The following TIFAB variants were observed in gnomAD, a reference collection of about 807,000 sequenced individuals.
TIFAB encodes TRAF-interacting protein with FHA domain-containing protein B.
For missense variants in TIFAB, 222 were observed against 203.6 expected, an observed-to-expected ratio of 1.09 and a Z score of -0.55; for synonymous variants, 116 against 95.2, an observed-to-expected ratio of 1.22 and a Z score of -1.27.
At position 135,449,388 on chromosome 5, in the gene TIFAB, T is replaced by C; in HGVS notation, c.*66A>G. ...TGTATTTCTGTTCCTCCTCCAGGTC[T>C]TGGCTGGAGAGGGCTGTCCCAAGTC... On this transcript the variant is annotated 3_prime_UTR_variant, in exon 2 of 2. Transcript: ENST00000537858. 6.3e-7 allele frequency: 1 copy of C among 1,580,088 alleles called. No individual in the cohort carries two copies. Among genetic ancestry groups the C allele is most frequent in the Non-Finnish European group, 8.6e-7 (1 of 1,164,318 alleles).
chr5:135,449,373 T>G lies in TIFAB; in HGVS notation c.*81A>C. ...GGTTCCCTCTGGAGCTGTATTTCTG[T>G]TCCTCCTCCAGGTCTTGGCTGGAGA... is the stretch of plus-strand genomic sequence containing the variant. On this transcript the variant is annotated 3_prime_UTR_variant, in exon 2 of 2. Transcript: ENST00000537858. The G allele has an allele frequency of 6.4e-7, 1 of 1,557,100 alleles. No individual in the cohort carries two copies. Among genetic ancestry groups the G allele is most frequent in the Non-Finnish European group, 8.7e-7 (1 of 1,153,718 alleles).
Position 135,446,638 on chromosome 5 carries a change from T to A in TIFAB, c.*2816A>T. 6.2e-7 allele frequency: 1 copy of A among 1,613,982 alleles called. No homozygotes were observed. The highest frequency in any genetic ancestry group is 8.5e-7 in the Non-Finnish European group (1 of 1,179,886). ...GGCAGAGCTTAACTGCCTTAAAAAC[T>A]TGGTACAGGGCAAGGTGTGAGTTTC... is the stretch of plus-strand genomic sequence containing the variant. On this transcript the variant is annotated 3_prime_UTR_variant, in exon 2 of 2. Transcript: ENST00000537858.
At chr5:135,452,089 C>T (rs1769370425) in intron 1 of TIFAB, 120 bp downstream of exon 1, 1 of 152,246 alleles carries the variant, frequency 6.6e-6, no homozygotes, top group South Asian at 2.1e-4. Context: ...ACAAATCCAG[C>T]CTTTGGGACG....
In TIFAB at chr5:135,449,835, A is replaced by G. The variant is rs765885377; in HGVS notation, c.105T>C (p.Pro35=). 1 of 1,605,680 alleles carries G rather than the reference A, an allele frequency of 6.2e-7. No individual in the cohort carries two copies. The highest frequency in any genetic ancestry group is 1.1e-5 in the South Asian group (1 of 90,144). Residue 35 remains proline, a synonymous_variant, in exon 2 of 2, where the codon CCT becomes CCC. Coordinates refer to ENST00000537858, the MANE Select transcript of TIFAB (RefSeq NM_001099221.2). ...CGTCCTGCCCCCGTCCGAGAAGCAG[A>G]GGGCTGGTATCATGCTGCAGCCGTG... ...VPPRLQHDTS[P]LLLGRGQDAH...
In TIFAB at chr5:135,447,304, C is replaced by T. The variant is rs1329278961; in HGVS notation, c.*2150G>A. The T allele has an allele frequency of 9.0e-6, 6 of 664,296 alleles. No individual in the cohort carries two copies. Among genetic ancestry groups the T allele is most frequent in the Middle Eastern group, 4.2e-4 (1 of 2,374 alleles). 41.2% of individuals were successfully genotyped at this position (664,296 alleles called of 1,614,324 possible). A position where few individuals can be genotyped will look rare whatever the true frequency, so the allele number is the denominator to read the frequency against. ...ACCAGGTCCGTGGCTACAACTAAATCCCTAGTTGGGGAATCACAGAGCACA... is the reference window on the plus strand; with the variant it reads ...ACCAGGTCCGTGGCTACAACTAAATTCCTAGTTGGGGAATCACAGAGCACA... On this transcript the variant is annotated 3_prime_UTR_variant, in exon 2 of 2. Transcript: ENST00000537858.
In TIFAB at chr5:135,447,461, T is replaced by C. The variant is rs1261792646; in HGVS notation, c.*1993A>G. 3.4e-6 allele frequency: 1 copy of C among 291,384 alleles called. No homozygotes were observed. Among genetic ancestry groups the C allele is most frequent in the East Asian group, 9.4e-5 (1 of 10,586 alleles). The allele number at this position is 291,384 out of a possible 1,614,324, so 18.0% of individuals were successfully genotyped here. A position where few individuals can be genotyped will look rare whatever the true frequency, so the allele number is the denominator to read the frequency against. ...TTATTAAGTGTGTGCTGGGCACTGATTGAATGCTTTACAGGTGTCACCTTC... is the reference window on the plus strand; with the variant it reads ...TTATTAAGTGTGTGCTGGGCACTGACTGAATGCTTTACAGGTGTCACCTTC... On this transcript the variant is annotated 3_prime_UTR_variant, in exon 2 of 2. Coordinates refer to ENST00000537858, the MANE Select transcript of TIFAB (RefSeq NM_001099221.2).
Position 135,446,771 on chromosome 5 carries a change from A to T in TIFAB, c.*2683T>A, listed in dbSNP as rs754468461. 7 of 1,613,962 alleles carry T rather than the reference A, an allele frequency of 4.3e-6. No individual in the cohort carries two copies. The highest frequency in any genetic ancestry group is 1.7e-6 in the Non-Finnish European group (2 of 1,179,850). On this transcript the variant is annotated 3_prime_UTR_variant, in exon 2 of 2. Transcript: ENST00000537858. ...GCCTGTCTTCCTTCTGCTGCTATGC[A>T]GTTCATCCTGGGTCCCTGAGGGCCT...
rs772437306 is a variant in TIFAB at position 135,449,737 on chromosome 5, C to G, written c.203G>C (p.Ser68Thr). 34 of 1,613,930 alleles carry G rather than the reference C, an allele frequency of 2.1e-5. No homozygotes were observed. Reference sequence around the variant, plus strand: ...CTTGAGGCAGAAGGCCAGCAGGGCACTGCCTTTCTCCAGGTAGGGCTCCAG... The same window carrying G: ...CTTGAGGCAGAAGGCCAGCAGGGCAGTGCCTTTCTCCAGGTAGGGCTCCAG... ...LSLEPYLEKGSALLAFCLKAL... is the reference protein window; with the variant it reads ...LSLEPYLEKGTALLAFCLKAL... The change falls in exon 2 of 2, where the codon AGT (serine) becomes ACT (threonine). Residue 68 changes from serine (S) to threonine (T), a missense_variant. Coordinates refer to ENST00000537858, the MANE Select transcript of TIFAB (RefSeq NM_001099221.2).
chr5:135,446,278 C>T lies in TIFAB; in HGVS notation c.*3176G>A. 1.4e-6 allele frequency: 2 copies of T among 1,455,928 alleles called. No homozygotes were observed. Among genetic ancestry groups the T allele is most frequent in the Non-Finnish European group, 1.9e-6 (2 of 1,080,938 alleles). 90.2% of individuals were successfully genotyped at this position (1,455,928 alleles called of 1,614,324 possible). The stretch of plus-strand genomic sequence containing the variant: ...ATTCTAACCCAGGCAGCAGTCTGAC[C>T]AGAGGGCCCTAGCTGGGAGCAGCGT... On this transcript the variant is annotated 3_prime_UTR_variant, in exon 2 of 2. Coordinates refer to ENST00000537858, the MANE Select transcript of TIFAB (RefSeq NM_001099221.2).
At chr5:135,451,093 C>G (rs1278477957) in intron 1 of TIFAB, among the ~76,000 whole-genome samples, 1 of 152,124 alleles carries the variant, frequency 6.6e-6, no homozygotes, top group African/African-American at 2.4e-5. Flanking sequence ...GTGGTTCTTG[C>G]TGCCCCATGT....
In TIFAB at chr5:135,448,237, C is replaced by A. The variant is rs1039225157; in HGVS notation, c.*1217G>T. Reference sequence around the variant, plus strand: ...AACAGAAATTGTTGACAGCTACAGACCCAGAGATTCGAGTCAGCCAGGGGA... The same window carrying A: ...AACAGAAATTGTTGACAGCTACAGAACCAGAGATTCGAGTCAGCCAGGGGA... On this transcript the variant is annotated 3_prime_UTR_variant, in exon 2 of 2. Transcript: ENST00000537858. 1 of 152,176 alleles carries A rather than the reference C, an allele frequency of 6.6e-6. No individual in the cohort carries two copies. Among genetic ancestry groups the A allele is most frequent in the Non-Finnish European group, 1.5e-5 (1 of 68,042 alleles). The allele number at this position is 152,176 out of a possible 1,614,324, so 9.4% of individuals were successfully genotyped here.
chr5:135,451,161 C>T (rs1157688486), intron 1 of TIFAB, among the ~76,000 whole-genome samples: 4 of 152,184 alleles, frequency 2.6e-5, no homozygotes, highest in East Asian at 1.9e-4. Flanking sequence ...GCACATTTGC[C>T]GAGTGGCTAA....
At position 135,445,504 on chromosome 5, in the gene TIFAB, AG is replaced by A; in HGVS notation, c.*3949del. The stretch of plus-strand genomic sequence containing the variant: ...CCTCGCACTGCCCATGCCGGGCCTG[AG>A]GGGCCTGGCTCAGACTTTAGTATCC... On this transcript the variant is annotated 3_prime_UTR_variant, in exon 2 of 2. Transcript: ENST00000537858. 1 of 152,434 alleles carries A rather than the reference AG, an allele frequency of 6.6e-6. No homozygotes were observed. Among genetic ancestry groups the A allele is most frequent in the Non-Finnish European group, 1.5e-5 (1 of 68,202 alleles). The allele number at this position is 152,434 out of a possible 1,614,324, so 9.4% of individuals were successfully genotyped here. A position where few individuals can be genotyped will look rare whatever the true frequency, so the allele number is the denominator to read the frequency against.
rs1182700792 is a variant in TIFAB, at chr5:135,447,279, A to G, written c.*2175T>C. On this transcript the variant is annotated 3_prime_UTR_variant, in exon 2 of 2. Coordinates refer to ENST00000537858, the MANE Select transcript of TIFAB (RefSeq NM_001099221.2). ...GATTAAAATCCCCTCCCTGTTGCCT[A>G]CCAGGTCCGTGGCTACAACTAAATC... is the stretch of plus-strand genomic sequence containing the variant. 3.9e-6 allele frequency: 3 copies of G among 773,256 alleles called. No homozygotes were observed. In the Admixed American group the frequency reaches 8.3e-5, roughly 21 times the overall value. 47.9% of individuals were successfully genotyped at this position (773,256 alleles called of 1,614,324 possible). A position where few individuals can be genotyped will look rare whatever the true frequency, so the allele number is the denominator to read the frequency against.
Position 135,446,652 on chromosome 5 carries a change from GGTGTGAGTTTCCCGGTGA to G in TIFAB, c.*2784_*2801del. ...GCCTTAAAAACTTGGTACAGGGCAAGGTGTGAGTTTCCCGGTGAGACTGTGTGAACTGTGAACGGGTAG... is the reference window on the plus strand; with the variant it reads ...GCCTTAAAAACTTGGTACAGGGCAAGGACTGTGTGAACTGTGAACGGGTAG... On this transcript the variant is annotated 3_prime_UTR_variant, in exon 2 of 2. Transcript: ENST00000537858. 6.2e-7 allele frequency: 1 copy of G among 1,614,054 alleles called. No individual in the cohort carries two copies. The highest frequency in any genetic ancestry group is 8.5e-7 in the Non-Finnish European group (1 of 1,179,902).
Position 135,449,385 on chromosome 5 carries a change from G to A in TIFAB, c.*69C>T. ...AGCTGTATTTCTGTTCCTCCTCCAG[G>A]TCTTGGCTGGAGAGGGCTGTCCCAA... On this transcript the variant is annotated 3_prime_UTR_variant, in exon 2 of 2. Transcript: ENST00000537858. 4 of 1,576,612 alleles carry A rather than the reference G, an allele frequency of 2.5e-6. No individual in the cohort carries two copies. The highest frequency in any genetic ancestry group is 2.3e-5 in the South Asian group (2 of 85,136).
In TIFAB at chr5:135,449,287, T is replaced by C; in HGVS notation, c.*167A>G. 1 of 1,009,454 alleles carries C rather than the reference T, an allele frequency of 9.9e-7. No homozygotes were observed. The highest frequency in any genetic ancestry group is 1.6e-5 in the African/African-American group (1 of 61,798). The allele number at this position is 1,009,454 out of a possible 1,614,324, so 62.5% of individuals were successfully genotyped here. On this transcript the variant is annotated 3_prime_UTR_variant, in exon 2 of 2. Coordinates refer to ENST00000537858, the MANE Select transcript of TIFAB (RefSeq NM_001099221.2). ...CATGATGCAGCTCAAGTATTTCAAA[T>C]CCTGTTTCATCTAGCAAAGGCTTGC... is the stretch of plus-strand genomic sequence containing the variant.
chr5:135,450,040 G>A, intron 1 of TIFAB, 91 bp from the exon 2 acceptor site: 2 of 1,474,232 alleles, frequency 1.4e-6, no homozygotes, highest in South Asian at 2.9e-5. Context: ...CACCTCAGGG[G>A]CCCTGTGCCT....
Position 135,446,298 on chromosome 5 carries a change from C to G in TIFAB, c.*3156G>C. The G allele has an allele frequency of 4.7e-6, 7 of 1,504,862 alleles. No homozygotes were observed. The highest frequency in any genetic ancestry group is 6.2e-6 in the Non-Finnish European group (7 of 1,122,712). 93.2% of individuals were successfully genotyped at this position (1,504,862 alleles called of 1,614,324 possible). A position where few individuals can be genotyped will look rare whatever the true frequency, so the allele number is the denominator to read the frequency against. On this transcript the variant is annotated 3_prime_UTR_variant, in exon 2 of 2. Transcript: ENST00000537858. ...CTGACCAGAGGGCCCTAGCTGGGAG[C>G]AGCGTTCATGTGCACTGTATGTTCG...
Sources: gnomAD v4.1 joint callset for allele counts (sites outside exome capture counted in the v4.1 genomes callset) on GRCh38, gnomAD v4.1.1 for gene constraint, MANE v1.5 for transcripts, NCBI Gene and HGNC (gene_info 2026-07-23, HGNC 2026-07-21) for gene names.